Variants in RAP1GAP2 observed in about 807,000 individuals in gnomAD.
RAP1GAP2 encodes rap1 GTPase-activating protein 2.
A neutral mutation model predicts 95.0 loss-of-function variants in RAP1GAP2; 27 were observed. That is an observed-to-expected ratio of 0.28 (90% CI 0.21 to 0.39). The LOEUF (loss-of-function observed/expected upper bound fraction) is 0.39, where lower values mean the gene tolerates loss of function less well. Ranked by LOEUF, RAP1GAP2 falls within the 10% of genes least tolerant of loss-of-function variation. The pLI, the probability that RAP1GAP2 is intolerant of heterozygous loss-of-function variation, is 1.00. For missense variants in RAP1GAP2, 771 were observed against 970.0 expected, an observed-to-expected ratio of 0.79 and a Z score of 2.72; for synonymous variants, 373 against 380.9, an observed-to-expected ratio of 0.98 and a Z score of 0.24.
At chr17:3,019,264 C>T (rs79215421) in intron 18 of RAP1GAP2, among the ~76,000 whole-genome samples, 4 of 152,108 alleles carry the variant, frequency 2.6e-5, no homozygotes, top group Non-Finnish European at 4.4e-5. Context: ...CAAAGTGGGC[C>T]GGGCATGGTG....
chr17:2,955,694 T>C (rs974562438), intron 3 of RAP1GAP2, among the ~76,000 whole-genome samples: 4 of 152,232 alleles, frequency 2.6e-5, no homozygotes, highest in African/African-American at 9.6e-5. Flanking sequence ...TTTTTGATCA[T>C]TAATTTGATC....
At chr17:2,962,972 T>TAAAAAA in intron 5 of RAP1GAP2, 3 of 523,484 alleles carry the variant, frequency 5.7e-6, no homozygotes, top group Admixed American at 3.9e-5. Context: ...GCTTGGCCGT[T>TAAAAAA]TGGCCCGGCT....
chr17:2,769,625 C>T (rs2068350320), intron 1 of RAP1GAP2, among the ~76,000 whole-genome samples: 1 of 151,958 alleles, frequency 6.6e-6, no homozygotes, highest in South Asian at 2.1e-4. Flanking sequence ...AAAAATAAGT[C>T]CAATGTCTTA....
intron 2 of RAP1GAP2, among the ~76,000 whole-genome samples, chr17:2,899,570 G>A (rs942943960): frequency 1.3e-5 from 2 of 151,866 alleles, no homozygotes; most frequent in Non-Finnish European, 2.9e-5. Flanking sequence ...GAGTGCAGTG[G>A]CACAATCTTG....
At chr17:2,765,334 A>G (rs1477018434) in intron 1 of RAP1GAP2, among the ~76,000 whole-genome samples, 1 of 152,082 alleles carries the variant, frequency 6.6e-6, no homozygotes, top group Non-Finnish European at 1.5e-5. Flanking sequence ...GCCCCATCTT[A>G]CCTGAGCCGG....
chr17:2,851,042 G>A (rs1304959617), intron 2 of RAP1GAP2, among the ~76,000 whole-genome samples: 2 of 149,200 alleles, frequency 1.3e-5, no homozygotes, highest in African/African-American at 2.5e-5. Flanking sequence ...CCTGGGCGAC[G>A]AGCAAAACAA....
chr17:2,981,418 G>A (rs2045352084), intron 10 of RAP1GAP2, among the ~76,000 whole-genome samples, 170 bp downstream of exon 10: 1 of 152,130 alleles, frequency 6.6e-6, no homozygotes, highest in Admixed American at 6.5e-5. Context: ...CTGCTCCACT[G>A]GGAACCCAAC....
At chr17:2,854,681 A>G (rs1206039810) in intron 2 of RAP1GAP2, among the ~76,000 whole-genome samples, 2 of 152,152 alleles carry the variant, frequency 1.3e-5, no homozygotes, top group Non-Finnish European at 1.5e-5. Context: ...TTCTTTAGCT[A>G]TTTCAGAGAC....
chr17:2,930,513 C>T (rs1350931486), intron 3 of RAP1GAP2, among the ~76,000 whole-genome samples: 1 of 152,208 alleles, frequency 6.6e-6, no homozygotes, highest in African/African-American at 2.4e-5. Flanking sequence ...TTTCCTACTT[C>T]GCAGGCTCAT....
At chr17:2,945,875 T>C (rs547999808) in intron 3 of RAP1GAP2, among the ~76,000 whole-genome samples, 2 of 152,190 alleles carry the variant, frequency 1.3e-5, no homozygotes, top group Admixed American at 6.6e-5. Flanking sequence ...CTGCAACCTC[T>C]TTCCCCTGGG....
rs1401061329 is a variant in RAP1GAP2, at chr17:3,004,100, C to T, written c.1201-1269C>T. Among the ~76,000 whole-genome samples the T allele has an allele frequency of 6.6e-6, 1 of 152,200 alleles. No homozygotes were observed. The highest frequency in any genetic ancestry group is 1.5e-5 in the Non-Finnish European group (1 of 68,042). On this transcript the variant is annotated intron_variant, in intron 14 of 24. Coordinates refer to ENST00000254695, the MANE Select transcript of RAP1GAP2 (RefSeq NM_015085.5). This position sits in a 1 kb window ranked among gnomAD's most constrained non-coding sequence, Gnocchi z 4.1. ...CTGCAGTCTCCCCATAGCCTTCCCA[C>T]ACCCCCACCCCTGATTCTGGCTCTG...
chr17:2,962,843 G>A lies in RAP1GAP2; in HGVS notation c.246+129G>A, dbSNP rs1047972045. 7.7e-6 allele frequency: 7 copies of A among 910,392 alleles called. No individual in the cohort carries two copies. In the Admixed American group the frequency reaches 9.3e-5, roughly 12 times the overall value. 56.4% of individuals were successfully genotyped at this position (910,392 alleles called of 1,614,324 possible). On this transcript the variant is annotated intron_variant, in intron 5 of 24. Coordinates refer to ENST00000254695, the MANE Select transcript of RAP1GAP2 (RefSeq NM_015085.5). ...CCTGTCTAACTCTGACTCGCACCAC[G>A]GGCCGCTTCACGACTGCCTTGTTAG...
At chr17:2,936,263 C>A (rs1161892373) in intron 3 of RAP1GAP2, among the ~76,000 whole-genome samples, 1 of 97,978 alleles carries the variant, frequency 1.0e-5, no homozygotes, top group Admixed American at 1.4e-4. Context: ...CCCCCTCCCC[C>A]CACCCAGTTT....
chr17:2,763,316 A>G (rs2068217549), intron 1 of RAP1GAP2, among the ~76,000 whole-genome samples: 1 of 152,162 alleles, frequency 6.6e-6, no homozygotes, highest in Non-Finnish European at 1.5e-5. Context: ...TCAGAGATGG[A>G]TCAGATACAG....
chr17:2,852,028 C>T (rs1389146039), intron 2 of RAP1GAP2, among the ~76,000 whole-genome samples: 1 of 152,202 alleles, frequency 6.6e-6, no homozygotes. Context: ...ACCTTCCCTG[C>T]CATCTAACTG....
intron 1 of RAP1GAP2, among the ~76,000 whole-genome samples, chr17:2,762,650 CT>C (rs911471042): frequency 2.0e-5 from 3 of 151,824 alleles, no homozygotes; most frequent in African/African-American, 7.3e-5. Flanking sequence ...ATCCACTTGC[CT>C]TGGCCTCCCA....
At chr17:2,961,459 A>G (rs1210095783) in intron 4 of RAP1GAP2, among the ~76,000 whole-genome samples, 2 of 151,190 alleles carry the variant, frequency 1.3e-5, no homozygotes, top group Admixed American at 6.6e-5. Flanking sequence ...AGGTTGCAGT[A>G]AGCCGAGATC....
chr17:2,954,301 T>A (rs1369416672), intron 3 of RAP1GAP2, among the ~76,000 whole-genome samples: 1 of 151,942 alleles, frequency 6.6e-6, no homozygotes, highest in Non-Finnish European at 1.5e-5. Flanking sequence ...AGACGGGGTT[T>A]CACCGTGTTA....
chr17:2,924,734 A>G (rs1269677525), intron 3 of RAP1GAP2, among the ~76,000 whole-genome samples: 3 of 152,118 alleles, frequency 2.0e-5, no homozygotes, highest in African/African-American at 4.8e-5. Flanking sequence ...CGTGATGTTA[A>G]AAAAGTCATT....
Sources: allele counts gnomAD v4.1 joint callset (sites outside exome capture counted in the v4.1 genomes callset), GRCh38; gene constraint gnomAD v4.1.1; non-coding constraint Gnocchi (gnomAD v3.1); transcripts MANE v1.5; gene names NCBI Gene and HGNC (gene_info 2026-07-23, HGNC 2026-07-21).